The following PHRF1 variants were observed in gnomAD, a reference collection of about 807,000 sequenced individuals.
The protein encoded by PHRF1 is PHD and ring finger domains 1.
In PHRF1, 53 loss-of-function variants were observed where a neutral mutation model predicts 128.9. That is an observed-to-expected ratio of 0.41 (90% CI 0.33 to 0.52). PHRF1 has a LOEUF of 0.52. Among genes scored for constraint, PHRF1 ranks in the 20% least tolerant of loss-of-function variants. The pLI is 0.21. For missense variants in PHRF1, 2,503 were observed against 2,284.5 expected, an observed-to-expected ratio of 1.10 and a Z score of -1.95; for synonymous variants, 1,178 against 980.6, an observed-to-expected ratio of 1.20 and a Z score of -3.76.
At position 610,242 on chromosome 11, in the gene PHRF1, C is replaced by T. The variant is rs566136904; in HGVS notation, c.4311C>T (p.Asp1437=). 3 of 1,552,496 alleles carry T rather than the reference C, an allele frequency of 1.9e-6. No homozygotes were observed. Among genetic ancestry groups the T allele is most frequent in the South Asian group, 2.4e-5 (2 of 84,134 alleles). ...AGAAGCCCCGAGAAGGAGCCTGGGA[C>T]ATGGAGGATGTGGCCCCCACAGGGG... ...RPQKPREGAW[D]MEDVAPTGVR... The change falls in exon 15 of 18, where the codon GAC becomes GAT. Residue 1437 remains aspartate, a synonymous_variant. Coordinates refer to ENST00000264555, the MANE Select transcript of PHRF1 (RefSeq NM_001286581.2).
intron 1 of PHRF1, among the ~76,000 whole-genome samples, chr11:578,060 G>A (rs1427129968): frequency 1.3e-5 from 2 of 152,212 alleles, no homozygotes; most frequent in Admixed American, 1.3e-4. Context: ...CCTGTGGCCT[G>A]GGACATGGCA....
Position 591,443 on chromosome 11 carries a change from A to G in PHRF1, c.480A>G (p.Gln160=), listed in dbSNP as rs1039491951. ...TLFKCICIRA[Q]FGGKILRKIP... is the part of the protein sequence containing the mutation. ...TTAAGTGCATTTGTATTCGAGCTCA[A>G]TTTGGTGGTAAAATCTTAAGAAAGG... is the stretch of plus-strand genomic sequence containing the variant. Residue 160 remains glutamine (Q), a synonymous_variant, in exon 5 of 18, where the codon CAA becomes CAG. Coordinates refer to ENST00000264555, the MANE Select transcript of PHRF1 (RefSeq NM_001286581.2). 15 of 1,609,294 alleles carry G rather than the reference A, an allele frequency of 9.3e-6. No individual in the cohort carries two copies. Among genetic ancestry groups the G allele is most frequent in the South Asian group, 3.3e-5 (3 of 90,072 alleles).
At chr11:595,834 C>T (rs1855242317) in intron 6 of PHRF1, among the ~76,000 whole-genome samples, 1 of 152,208 alleles carries the variant, frequency 6.6e-6, no homozygotes, top group African/African-American at 2.4e-5. Context: ...CCCCAGAGAA[C>T]TTGTATAAGA....
chr11:607,207 G>A lies in PHRF1; in HGVS notation c.1751G>A (p.Ser584Asn). Residue 584 changes from serine (S) to asparagine (N), a missense_variant, in exon 14 of 18, where the codon AGC becomes AAC. Ser to Asn is a conservative substitution (Grantham distance 46). Coordinates refer to ENST00000264555, the MANE Select transcript of PHRF1 (RefSeq NM_001286581.2). ...AACAGGCCACAGAGCACAGGGCTCA[G>A]CTGTCAAGGCAGGTCCCGCACCCCC... ...SGNRPQSTGL[S>N]CQGRSRTPAR... 6.2e-7 allele frequency: 1 copy of A among 1,612,522 alleles called. No homozygotes were observed. Among genetic ancestry groups the A allele is most frequent in the East Asian group, 2.2e-5 (1 of 44,860 alleles).
chr11:582,201 AC>A, intron 3 of PHRF1, 120 bp downstream of exon 3: 1 of 1,449,486 alleles, frequency 6.9e-7, no homozygotes, highest in Non-Finnish European at 9.2e-7. Flanking sequence ...CCCTGCGGTC[AC>A]CTACGGTGAG....
chr11:600,716 C>T (rs1160292293), intron 9 of PHRF1, among the ~76,000 whole-genome samples: 4 of 151,786 alleles, frequency 2.6e-5, no homozygotes, highest in South Asian at 2.1e-4. Flanking sequence ...CCTGTAATCC[C>T]AGCACTTTGG....
In PHRF1 at chr11:596,925, A is replaced by C; in HGVS notation, c.623A>C (p.Tyr208Ser). 6.2e-7 allele frequency: 1 copy of C among 1,613,634 alleles called. No individual in the cohort carries two copies. Among genetic ancestry groups the C allele is most frequent in the Non-Finnish European group, 8.5e-7 (1 of 1,179,746 alleles). ...TTTGGCCCTGCTCTCTCCTGTAGGT[A>C]CCACATGGAATGCTTGGACCCCCCT... Reference protein sequence around the residue: ...LLLCDGCDAGYHMECLDPPLQ... With the variant: ...LLLCDGCDAGSHMECLDPPLQ... The change falls in exon 7 of 18, where the codon TAC (tyrosine) becomes TCC (serine). Residue 208 changes from tyrosine to serine, a missense_variant and splice_region_variant. Tyr to Ser is a moderately radical substitution (Grantham distance 144, BLOSUM62 -2). Transcript: ENST00000264555.
intron 6 of PHRF1, among the ~76,000 whole-genome samples, chr11:593,921 ACCT>A (rs893376949): frequency 6.6e-6 from 1 of 151,614 alleles, no homozygotes; most frequent in Non-Finnish European, 1.5e-5. Flanking sequence ...GACGGTCCTC[ACCT>A]CCTCAGGGTT....
chr11:605,766 T>C (rs762064053), intron 12 of PHRF1, 42 bp downstream of exon 12: 1 of 1,572,462 alleles, frequency 6.4e-7, no homozygotes, highest in Non-Finnish European at 8.6e-7. Flanking sequence ...GGGGCAGCAG[T>C]TGGGCATCGG....
intron 6 of PHRF1, among the ~76,000 whole-genome samples, chr11:594,533 G>A (rs950378289): frequency 3.9e-5 from 6 of 151,956 alleles, no homozygotes; most frequent in Non-Finnish European, 5.9e-5. Context: ...CCTCTGCAGC[G>A]AGTCACTGCA....
At position 610,317 on chromosome 11, in the gene PHRF1, A is replaced by G. The variant is rs1208720330; in HGVS notation, c.4386A>G (p.Glu1462=). 3.8e-6 allele frequency: 6 copies of G among 1,565,352 alleles called. No individual in the cohort carries two copies. Among genetic ancestry groups the G allele is most frequent in the Non-Finnish European group, 4.3e-6 (5 of 1,155,372 alleles). ...ELPFPSHVLP[E]PGFPDTDPSQ... ...CCTTTCCCAGTCACGTGCTTCCGGA[A>G]CCCGGGTTCCCAGACACAGACCCCT... Residue 1462 remains glutamate, a synonymous_variant, in exon 15 of 18, where the codon GAA becomes GAG. Coordinates refer to ENST00000264555, the MANE Select transcript of PHRF1 (RefSeq NM_001286581.2).
At chr11:606,980 G>A in intron 13 of PHRF1, 86 bp from the exon 14 acceptor site, 1 of 1,509,332 alleles carries the variant, frequency 6.6e-7, no homozygotes, top group Non-Finnish European at 8.9e-7. Context: ...CGACCTCACA[G>A]AAAACCAGTT....
rs190277395 is a variant in PHRF1 at position 608,786 on chromosome 11, G to A, written c.3330G>A (p.Lys1110=). The A allele has an allele frequency of 6.4e-5, 103 of 1,611,924 alleles. No individual in the cohort carries two copies. The African/African-American group carries it at 1.2e-3, about 19-fold the overall frequency. Residue 1110 remains lysine (K), a synonymous_variant, in exon 14 of 18, where the codon AAG becomes AAA. Transcript: ENST00000264555. Reference sequence around the variant, plus strand: ...AGCACTATGAGAGTAGGAAGAAGAAGAAAAGGAGATCAGCGTCCAGACCTC... The same window carrying A: ...AGCACTATGAGAGTAGGAAGAAGAAAAAAAGGAGATCAGCGTCCAGACCTC... ...SYEHYESRKK[K]KRRSASRPRG...
chr11:579,254 C>CT (rs776925748), intron 1 of PHRF1, among the ~76,000 whole-genome samples: 3 of 149,430 alleles, frequency 2.0e-5, no homozygotes, highest in Non-Finnish European at 4.5e-5. Flanking sequence ...AGCCCTGCTC[C>CT]TCCCCCCAGC....
intron 4 of PHRF1, among the ~76,000 whole-genome samples, chr11:589,533 C>T (rs1854796159): frequency 6.6e-6 from 1 of 151,660 alleles, no homozygotes; most frequent in Non-Finnish European, 1.5e-5. Context: ...GAAACCAGTC[C>T]CAGGGGTTTT....
chr11:605,388 GT>G, intron 11 of PHRF1, 88 bp downstream of exon 11: 1 of 1,529,568 alleles, frequency 6.5e-7, no homozygotes, highest in Non-Finnish European at 8.9e-7. Context: ...ATGCGGAGGC[GT>G]TAGGTTTTGT....
chr11:610,102 T>A, intron 14 of PHRF1, 94 bp from the exon 15 acceptor site: 1 of 1,426,338 alleles, frequency 7.0e-7, no homozygotes, highest in South Asian at 1.5e-5. Context: ...TGGTCCTTGC[T>A]CCTGGTGCTT....
intron 3 of PHRF1, among the ~76,000 whole-genome samples, chr11:583,522 G>T (rs1854346000): frequency 6.6e-6 from 1 of 152,134 alleles, no homozygotes; most frequent in African/African-American, 2.4e-5. Flanking sequence ...GTCTCAAAAA[G>T]ATAAAAAATT....
In PHRF1 at chr11:608,341, G is replaced by C; in HGVS notation, c.2885G>C (p.Cys962Ser). The change falls in exon 14 of 18, where the codon TGT (cysteine) becomes TCT (serine). Residue 962 changes from cysteine (C) to serine (S), a missense_variant. Coordinates refer to ENST00000264555, the MANE Select transcript of PHRF1 (RefSeq NM_001286581.2). ...GGCTCTGAGGAGCGGACGGTGACCT[G>C]TGTGACTGTCGTGGAGCCGGAAGCC... The part of the protein sequence containing the change: ...FFGSEERTVT[C>S]VTVVEPEAPP... 1.2e-6 allele frequency: 2 copies of C among 1,610,072 alleles called. No homozygotes were observed.
Sources: allele counts gnomAD v4.1 joint callset (sites outside exome capture counted in the v4.1 genomes callset), GRCh38; gene constraint gnomAD v4.1.1; transcripts MANE v1.5; gene names NCBI Gene and HGNC (gene_info 2026-07-23, HGNC 2026-07-21).